The following GRID1 variants were observed in gnomAD, a reference collection of about 807,000 sequenced individuals.
The protein encoded by GRID1 is glutamate receptor ionotropic, delta-1.
A neutral mutation model predicts 98.0 loss-of-function variants in GRID1; 28 were observed. That is an observed-to-expected ratio of 0.29 (90% CI 0.21 to 0.39). GRID1 has a LOEUF of 0.39. Ranked by LOEUF, GRID1 falls within the 10% of genes least tolerant of loss-of-function variation. The pLI is 1.00. For missense variants in GRID1, 1,111 were observed against 1,340.5 expected, an observed-to-expected ratio of 0.83 and a Z score of 2.67; for synonymous variants, 553 against 538.5, an observed-to-expected ratio of 1.03 and a Z score of -0.37.
rs993556509 is a variant in GRID1, at chr10:85,962,199, T to C, written c.727-45960A>G. ...TCCCTGGTGGGCTCCTACAGGGGTCTGCCACCCTTCCCTTCCCTCCTTCCC... is the reference window on the plus strand; with the variant it reads ...TCCCTGGTGGGCTCCTACAGGGGTCCGCCACCCTTCCCTTCCCTCCTTCCC... On this transcript the variant is annotated intron_variant, in intron 4 of 15. Transcript: ENST00000327946. Among the ~76,000 whole-genome samples the C allele has an allele frequency of 2.0e-5, 3 of 152,166 alleles. No individual in the cohort carries two copies. In the East Asian group the frequency reaches 5.8e-4, roughly 29 times the overall value.
Position 86,192,540 on chromosome 10 carries a change from G to A in GRID1, c.520+13824C>T, listed in dbSNP as rs1024120863. 4.0e-5 allele frequency among the ~76,000 whole-genome samples: 6 copies of A among 151,688 alleles called. No individual in the cohort carries two copies. The highest frequency in any genetic ancestry group is 7.4e-5 in the Non-Finnish European group (5 of 67,870). On this transcript the variant is annotated intron_variant, in intron 3 of 15. Coordinates refer to ENST00000327946, the MANE Select transcript of GRID1 (RefSeq NM_017551.3). The surrounding 1 kb of genome is among the most constrained non-coding windows in gnomAD (Gnocchi z 4.8). The stretch of plus-strand genomic sequence containing the variant: ...GGTGCTGAGGGCTGAAGGGAGGGGG[G>A]AGATGGGGGTCTTTGTTGAATGAGT...
intron 8 of GRID1, among the ~76,000 whole-genome samples, chr10:85,762,413 TAC>T (rs777025685): frequency 6.6e-6 from 1 of 152,206 alleles, no homozygotes; most frequent in African/African-American, 2.4e-5. Flanking sequence ...CTTTCTTTGT[TAC>T]AGTCATTTGA....
chr10:85,694,602 A>AT (rs1440935151), intron 12 of GRID1, among the ~76,000 whole-genome samples: 1 of 118,996 alleles, frequency 8.4e-6, no homozygotes. Context: ...ATATATATAT[A>AT]ATGGAATATT....
intron 2 of GRID1, among the ~76,000 whole-genome samples, chr10:86,331,590 C>G (rs144065342): frequency 1.3e-5 from 2 of 152,316 alleles, no homozygotes; most frequent in African/African-American, 4.8e-5. Context: ...GAGACAGAGA[C>G]TCCTAGTCTC....
chr10:85,774,690 G>T (rs996349743), intron 8 of GRID1, among the ~76,000 whole-genome samples: 1 of 151,684 alleles, frequency 6.6e-6, no homozygotes, highest in African/African-American at 2.4e-5. Context: ...CTTCTGAAAA[G>T]AAGACATTTA....
At chr10:86,194,478 T>A (rs959982994) in intron 3 of GRID1, among the ~76,000 whole-genome samples, 1 of 152,090 alleles carries the variant, frequency 6.6e-6, no homozygotes, top group South Asian at 2.1e-4. Context: ...TGTGTGCACA[T>A]GTGGCATGTC....
chr10:85,833,084 C>T (rs1414590158), intron 8 of GRID1, among the ~76,000 whole-genome samples: 4 of 152,184 alleles, frequency 2.6e-5, no homozygotes, highest in African/African-American at 7.2e-5. Flanking sequence ...CTGGGCAGGA[C>T]CAGCAAGGGT....
intron 4 of GRID1, among the ~76,000 whole-genome samples, chr10:86,036,480 C>G (rs894601379): frequency 6.6e-5 from 10 of 152,220 alleles, no homozygotes; most frequent in African/African-American, 2.4e-4. Flanking sequence ...ACTGTGACCA[C>G]ATCGCCGTTC....
chr10:85,990,846 A>G (rs1487662266), intron 4 of GRID1, among the ~76,000 whole-genome samples: 1 of 152,092 alleles, frequency 6.6e-6, no homozygotes, highest in Non-Finnish European at 1.5e-5. Flanking sequence ...GGAAACCAAT[A>G]GAATAAAAAT....
chr10:85,930,201 C>T (rs564870196), intron 4 of GRID1, among the ~76,000 whole-genome samples: 7 of 149,494 alleles, frequency 4.7e-5, no homozygotes, highest in Admixed American at 2.7e-4. Context: ...AAATAACTTG[C>T]GGTTATTTTT....
intron 4 of GRID1, among the ~76,000 whole-genome samples, chr10:85,995,337 C>T (rs560615325): frequency 1.3e-5 from 2 of 152,174 alleles, no homozygotes; most frequent in Non-Finnish European, 2.9e-5. Flanking sequence ...AGCAGGCAGC[C>T]GGATGCCTCT....
At chr10:85,702,531 T>C (rs563163306) in intron 12 of GRID1, among the ~76,000 whole-genome samples, 1 of 152,140 alleles carries the variant, frequency 6.6e-6, no homozygotes, top group South Asian at 2.1e-4. Flanking sequence ...GATGACAAAA[T>C]TATTGAACTA....
chr10:85,843,056 C>T (rs1842974574), intron 8 of GRID1, among the ~76,000 whole-genome samples: 1 of 151,952 alleles, frequency 6.6e-6, no homozygotes, highest in Admixed American at 6.6e-5. Context: ...ATGTGTAAAA[C>T]GTTTTGGTAA....
chr10:86,157,772 C>T (rs910904392), intron 3 of GRID1, among the ~76,000 whole-genome samples: 9 of 152,290 alleles, frequency 5.9e-5, no homozygotes, highest in Admixed American at 3.9e-4. Flanking sequence ...AAATTATAAA[C>T]GCAAGTTGAC....
chr10:85,652,147 A>C (rs1201862102), intron 12 of GRID1, among the ~76,000 whole-genome samples: 1 of 152,140 alleles, frequency 6.6e-6, no homozygotes, highest in African/African-American at 2.4e-5. Context: ...CCCACCATGC[A>C]TCCTTCAGCT....
intron 4 of GRID1, among the ~76,000 whole-genome samples, chr10:86,119,762 G>A (rs1461587083): frequency 2.0e-5 from 3 of 152,026 alleles, no homozygotes; most frequent in African/African-American, 7.2e-5. Context: ...GCACATTTAT[G>A]CTGCAATGGT....
chr10:85,737,485 A>T (rs1841894537), intron 8 of GRID1, among the ~76,000 whole-genome samples: 1 of 151,760 alleles, frequency 6.6e-6, no homozygotes, highest in East Asian at 1.9e-4. Context: ...CAATGGTCTC[A>T]GTGGGCTCAC....
At chr10:85,933,687 G>C (rs558774335) in intron 4 of GRID1, among the ~76,000 whole-genome samples, 102 of 152,246 alleles carry the variant, frequency 6.7e-4, no homozygotes, top group African/African-American at 1.6e-3. Context: ...TTGGGCGCAG[G>C]CTCGATTTAT....
rs541153288 is a variant in GRID1, at chr10:86,353,942, A to AG, written c.235+9998dup. 2.6e-5 allele frequency among the ~76,000 whole-genome samples: 4 copies of AG among 152,254 alleles called. No homozygotes were observed. The South Asian group carries it at 6.2e-4, about 24-fold the overall frequency. Reference sequence around the variant, plus strand: ...CCACTGGAGATGGGGCACTGTTGGGAGGGGGGCTCGGCCCAGAGCTCAGGT... The same window carrying AG: ...CCACTGGAGATGGGGCACTGTTGGGAGGGGGGGCTCGGCCCAGAGCTCAGGT... On this transcript the variant is annotated intron_variant, in intron 2 of 15. Transcript: ENST00000327946.
Sources: allele counts gnomAD v4.1 joint callset (sites outside exome capture counted in the v4.1 genomes callset), GRCh38; gene constraint gnomAD v4.1.1; non-coding constraint Gnocchi (gnomAD v3.1); transcripts MANE v1.5; gene names NCBI Gene and HGNC (gene_info 2026-07-23, HGNC 2026-07-21).